The following PLEKHG1 variants were observed in gnomAD, a reference collection of about 807,000 sequenced individuals.
PLEKHG1 encodes the protein pleckstrin homology domain-containing family G member 1.
Under a neutral mutation model 100.8 loss-of-function variants are expected in PLEKHG1, and 44 were observed. That is an observed-to-expected ratio of 0.44 (90% CI 0.34 to 0.56). The LOEUF is 0.56. PLEKHG1 is among the 20% of genes least tolerant of loss of function. The pLI, the probability that PLEKHG1 is intolerant of heterozygous loss-of-function variation, is 0.01. For missense variants in PLEKHG1, 1,545 were observed against 1,720.9 expected, an observed-to-expected ratio of 0.90 and a Z score of 1.81; for synonymous variants, 640 against 662.5, an observed-to-expected ratio of 0.97 and a Z score of 0.52.
intron 1 of PLEKHG1, among the ~76,000 whole-genome samples, chr6:150,725,544 G>A (rs966073721): frequency 5.9e-5 from 9 of 152,102 alleles, no homozygotes; most frequent in South Asian, 2.1e-4. Context: ...GTGCTTTAAC[G>A]CCTTGTTGGA....
At chr6:150,713,856 T>C (rs988496054) in intron 3 of PLEKHG1, among the ~76,000 whole-genome samples, 2 of 152,126 alleles carry the variant, frequency 1.3e-5, no homozygotes, top group East Asian at 3.8e-4. Flanking sequence ...GCAACTGGAG[T>C]TTGCCTCTCT....
At chr6:150,750,009 T>G (rs1016440321) in intron 2 of PLEKHG1, among the ~76,000 whole-genome samples, 3 of 149,706 alleles carry the variant, frequency 2.0e-5, no homozygotes, top group African/African-American at 7.6e-5. Flanking sequence ...GAGGCTGAGG[T>G]TGCAGTAAGC....
chr6:150,807,321 A>G (rs1281940667), intron 7 of PLEKHG1, among the ~76,000 whole-genome samples: 1 of 152,214 alleles, frequency 6.6e-6, no homozygotes, highest in African/African-American at 2.4e-5. Context: ...GGACTGCTGT[A>G]TTCAGAAATG....
In PLEKHG1 at chr6:150,793,762, G is replaced by T. The variant is rs116005991; in HGVS notation, c.583-2094G>T. ...ATCTGAGCAAGTCTCTACTAAACCA[G>T]TACGAGTATAATGGACAGGGCATAT... On this transcript the variant is annotated intron_variant, in intron 4 of 15. Transcript: ENST00000358517. 8.9e-3 allele frequency among the ~76,000 whole-genome samples: 1,361 copies of T among 152,248 alleles called. 22 individuals carry two copies. The highest frequency in any genetic ancestry group is 0.031 in the African/African-American group (1,275 of 41,536).
At chr6:150,800,615 C>A in intron 5 of PLEKHG1, 104 bp from the exon 7 acceptor site, 1 of 1,037,884 alleles carries the variant, frequency 9.6e-7, no homozygotes, top group Non-Finnish European at 1.4e-6. Context: ...AGCTCTGGAG[C>A]TACCCTACTC....
intron 10 of PLEKHG1, among the ~76,000 whole-genome samples, chr6:150,810,539 G>GAAAGAAAGAAAGA (rs1562540321): frequency 1.2e-4 from 13 of 104,944 alleles, no homozygotes; most frequent in African/African-American, 5.2e-4. Flanking sequence ...AGAAAGAAAG[G>GAAAGAAAGAAAGA]AAGAAAGGAA....
At chr6:150,783,827 C>T (rs1785460509) in intron 3 of PLEKHG1, among the ~76,000 whole-genome samples, 1 of 152,118 alleles carries the variant, frequency 6.6e-6, no homozygotes, top group Admixed American at 6.6e-5. Context: ...TTATTTAATA[C>T]TAAAAAAGAA....
At chr6:150,673,353 A>C (rs1779638064) in intron 3 of PLEKHG1, among the ~76,000 whole-genome samples, 1 of 152,214 alleles carries the variant, frequency 6.6e-6, no homozygotes, top group Admixed American at 6.5e-5. Context: ...GCAGAGCCAT[A>C]GCTAACTCAG....
intron 4 of PLEKHG1, among the ~76,000 whole-genome samples, chr6:150,794,987 C>A (rs937375479): frequency 1.3e-5 from 2 of 151,924 alleles, no homozygotes; most frequent in African/African-American, 4.8e-5. Context: ...CTTAGAGTCA[C>A]ATGTGAATCT....
chr6:150,755,254 G>T (rs1783768016), intron 2 of PLEKHG1, among the ~76,000 whole-genome samples: 1 of 152,000 alleles, frequency 6.6e-6, no homozygotes, highest in Non-Finnish European at 1.5e-5. Flanking sequence ...AGGACTATAG[G>T]CATGAGCCAC....
Position 150,843,099 on chromosome 6 carries a change from T to G in PLEKHG1, c.*2203T>G, listed in dbSNP as rs1290273447. 2.0e-5 allele frequency: 3 copies of G among 152,258 alleles called. No individual in the cohort carries two copies. In the East Asian group the frequency reaches 5.8e-4, roughly 29 times the overall value. 9.4% of individuals were successfully genotyped at this position (152,258 alleles called of 1,614,324 possible). A position where few individuals can be genotyped will look rare whatever the true frequency, so the allele number is the denominator to read the frequency against. On this transcript the variant is annotated 3_prime_UTR_variant, in exon 16 of 16. Coordinates refer to ENST00000358517, the Ensembl canonical transcript of PLEKHG1. ...TGACTCTTGTCCCAGGAAAGCTGTT[T>G]CGCATTTTCGCTTTTTGATTGGTAT...
At chr6:150,609,566 T>C (rs1582802630) in intron 1 of PLEKHG1, among the ~76,000 whole-genome samples, 1 of 151,948 alleles carries the variant, frequency 6.6e-6, no homozygotes, top group African/African-American at 2.4e-5. Flanking sequence ...CATGGCTGGG[T>C]TATGCAGGTC....
chr6:150,695,852 T>C (rs1308181843), intron 3 of PLEKHG1, among the ~76,000 whole-genome samples: 1 of 152,182 alleles, frequency 6.6e-6, no homozygotes, highest in African/African-American at 2.4e-5. Context: ...GGGCCCTCCT[T>C]GAATGGAGGA....
At chr6:150,607,501 C>T (rs1353976191) in intron 1 of PLEKHG1, among the ~76,000 whole-genome samples, 1 of 152,204 alleles carries the variant, frequency 6.6e-6, no homozygotes, top group Non-Finnish European at 1.5e-5. Flanking sequence ...AGTATTAGAG[C>T]TGCATCAAAG....
At chr6:150,697,130 T>A (rs1301141767) in intron 3 of PLEKHG1, among the ~76,000 whole-genome samples, 1 of 146,724 alleles carries the variant, frequency 6.8e-6, no homozygotes, top group Non-Finnish European at 1.5e-5. Context: ...GAAGAAGTAC[T>A]TTTAAATACA....
chr6:150,734,534 T>A (rs753322879), intron 2 of PLEKHG1, among the ~76,000 whole-genome samples: 3 of 152,302 alleles, frequency 2.0e-5, no homozygotes, highest in South Asian at 4.1e-4. Context: ...GTGAATCTCA[T>A]ACTCAGCAAC....
At chr6:150,813,787 G>T (rs114169646) in intron 10 of PLEKHG1, among the ~76,000 whole-genome samples, 7 of 152,262 alleles carry the variant, frequency 4.6e-5, no homozygotes, top group African/African-American at 1.4e-4. Flanking sequence ...ATTCTGTGCT[G>T]CTGCTCTGGA....
chr6:150,805,084 T>C (rs540727408), intron 7 of PLEKHG1, among the ~76,000 whole-genome samples: 10 of 152,020 alleles, frequency 6.6e-5, no homozygotes, highest in African/African-American at 2.2e-4. Flanking sequence ...TACAGGCATG[T>C]GCCACCACGG....
intron 2 of PLEKHG1, among the ~76,000 whole-genome samples, chr6:150,737,432 T>C (rs6914751): frequency 0.53 from 79,552 of 151,122 alleles, 23,131 homozygotes; most frequent in Non-Finnish European, 0.65. Flanking sequence ...GCTGGGACTA[T>C]AGGCGCCCGC....
Sources: gnomAD v4.1 joint callset for allele counts (sites outside exome capture counted in the v4.1 genomes callset) on GRCh38, gnomAD v4.1.1 for gene constraint, MANE v1.5 for transcripts, NCBI Gene and HGNC (gene_info 2026-07-23, HGNC 2026-07-21) for gene names.